The following IDH3G variants were observed in gnomAD, a reference collection of about 807,000 sequenced individuals.
The protein encoded by IDH3G is isocitrate dehydrogenase [NAD] subunit gamma, mitochondrial.
Under a neutral mutation model 26.9 loss-of-function variants are expected in IDH3G, and 9 were observed. The ratio of observed to expected loss-of-function variants is 0.34; its 90% CI spans 0.20 to 0.58. IDH3G has a LOEUF of 0.58. IDH3G is among the 20% of genes least tolerant of loss of function. The probability of loss-of-function intolerance (pLI) is 0.85; values close to 1 mark genes in which losing one functional copy is unlikely to be tolerated. For missense variants in IDH3G, 250 were observed against 372.8 expected (o/e 0.67, Z 2.71); for synonymous variants, 181 against 160.0 (o/e 1.13, Z -0.99).
Position 153,794,330 on chromosome X carries a change from G to A in IDH3G, c.-4C>T. ...CGGTCGCTACCTTCAGCGCCATGAC[G>A]GAAAGTGAGAGCCTCCGCACGTCCC... On this transcript the variant is annotated 5_prime_UTR_variant, in exon 1 of 13. Coordinates refer to ENST00000217901, the MANE Select transcript of IDH3G (RefSeq NM_004135.4). The A allele has an allele frequency of 2.5e-6, 3 of 1,194,853 alleles. No homozygotes were observed. The highest frequency in any genetic ancestry group is 3.4e-6 in the Non-Finnish European group (3 of 888,169).
chrX:153,789,958 T>G (rs1246633485), intron 4 of IDH3G, 134 bp from the exon 5 acceptor site: 1 of 493,721 alleles, frequency 2.0e-6, no homozygotes, highest in Non-Finnish European at 3.5e-6. Flanking sequence ...GGGCCCACCT[T>G]CACTGACTGA....
chrX:153,793,305 T>A (rs1557070944), intron 1 of IDH3G, among the ~76,000 whole-genome samples: 1 of 111,725 alleles, frequency 9.0e-6, no homozygotes, highest in Non-Finnish European at 1.9e-5. Context: ...GAAGTCAGCA[T>A]CGTCAAGAGA....
intron 1 of IDH3G, among the ~76,000 whole-genome samples, chrX:153,792,742 A>C (rs1388956003): frequency 3.5e-5 from 4 of 112,757 alleles, no homozygotes; most frequent in Admixed American, 2.8e-4. Context: ...AGAGCGCTCC[A>C]GATGGACTTC....
chrX:153,787,105 G>A lies in IDH3G; in HGVS notation c.723C>T (p.Ala241=), dbSNP rs782498193. 3 of 1,210,895 alleles carry A rather than the reference G, an allele frequency of 2.5e-6. No individual in the cohort carries two copies. Among genetic ancestry groups the A allele is most frequent in the Non-Finnish European group, 3.4e-6 (3 of 894,567 alleles). The change falls in exon 9 of 13, where the codon GCC becomes GCT. Residue 241 remains alanine (A), a synonymous_variant. Coordinates refer to ENST00000217901, the MANE Select transcript of IDH3G (RefSeq NM_004135.4). ...TCTCGAAGGTGATCTGAGGGTAGCG[G>A]GCTGCCACCTCCCTGCAGCACTGGA... The part of the protein sequence containing the change: ...LFLQCCREVA[A]RYPQITFENM...
chrX:153,792,370 T>C (rs1282836515), intron 1 of IDH3G: 1 of 112,772 alleles, frequency 8.9e-6, no homozygotes, highest in Non-Finnish European at 1.9e-5. Flanking sequence ...TTGAGATGGC[T>C]TCATGGCCTC....
At chrX:153,791,113 C>T in intron 1 of IDH3G, 1 of 347,148 alleles carries the variant, frequency 2.9e-6, no homozygotes, top group Non-Finnish European at 5.0e-6. Flanking sequence ...GTGTCCCTGC[C>T]CTCCCTCCTC....
chrX:153,789,892 G>A, intron 4 of IDH3G, 68 bp from the exon 5 acceptor site: 1 of 729,965 alleles, frequency 1.4e-6, no homozygotes, highest in Non-Finnish European at 2.1e-6. Context: ...AGCCTGCCCA[G>A]GCTACCTCTC....
At chrX:153,790,464 G>C (rs1469747792) in intron 3 of IDH3G, 100 bp downstream of exon 3, 43 of 992,886 alleles carry the variant, frequency 4.3e-5, no homozygotes, top group Non-Finnish European at 5.1e-5. Flanking sequence ...TGCTCATCCA[G>C]GGCTCCTGGG....
Position 153,790,552 on chromosome X carries a change from A to G in IDH3G, c.135+12T>C, listed in dbSNP as rs374030294. ...AGCCCCCCAAACCTAACAGGCAGAG[A>G]AGAATACTCACAATTGTTTGTTCCT... On this transcript the variant is annotated intron_variant, in intron 3 of 12. Transcript: ENST00000217901. 2.0e-5 allele frequency: 24 copies of G among 1,205,840 alleles called. No homozygotes were observed. In the Middle Eastern group the frequency reaches 6.9e-4, roughly 35 times the overall value.
At chrX:153,790,717 C>A (rs17429) in intron 2 of IDH3G, 93 bp downstream of exon 2, 1 of 1,085,957 alleles carries the variant, frequency 9.2e-7, no homozygotes, top group African/African-American at 1.8e-5. Context: ...CTGGAGACCA[C>A]GTCTCAGAGG....
chrX:153,787,808 G>A lies in IDH3G; in HGVS notation c.540+15C>T. The A allele has an allele frequency of 8.3e-7, 1 of 1,198,282 alleles. No homozygotes were observed. Among genetic ancestry groups the A allele is most frequent in the African/African-American group, 1.7e-5 (1 of 57,604 alleles). On this transcript the variant is annotated intron_variant, in intron 7 of 12. Coordinates refer to ENST00000217901, the MANE Select transcript of IDH3G (RefSeq NM_004135.4). ...TTGACGCTGGGGGGGCTCATCTCGG[G>A]CCCCCCATGCACACCTCATGCTCCA...
chrX:153,791,972 C>T (rs782351484), intron 1 of IDH3G, among the ~76,000 whole-genome samples: 68 of 112,220 alleles, frequency 6.1e-4, no homozygotes, highest in African/African-American at 2.1e-3. Flanking sequence ...CGCTTATCAA[C>T]GGGTCGGGAC....
At chrX:153,787,390 A>G in intron 8 of IDH3G, 74 bp downstream of exon 8, 3 of 1,140,813 alleles carry the variant, frequency 2.6e-6, no homozygotes, top group Non-Finnish European at 3.5e-6. Context: ...TTGGACCACA[A>G]ATCCCTCAGA....
chrX:153,786,760 G>A (rs782747731), intron 10 of IDH3G, 41 bp downstream of exon 10: 19 of 1,183,918 alleles, frequency 1.6e-5, no homozygotes, highest in Non-Finnish European at 1.9e-5. Flanking sequence ...TCTGTGAACA[G>A]GAGAAAGGCG....
rs202204791 is a variant in IDH3G at position 153,787,159 on chromosome X, G to T, written c.675-6C>A. On this transcript the variant is annotated splice_polypyrimidine_tract_variant and splice_region_variant and intron_variant, in intron 8 of 12. Coordinates refer to ENST00000217901, the MANE Select transcript of IDH3G (RefSeq NM_004135.4). ...AAAGCCCATCGCCCAGTTTCCTGGT[G>T]GGGGGTTAGGAATAGGACACCAGCT... 5.9e-6 allele frequency: 7 copies of T among 1,184,233 alleles called. No individual in the cohort carries two copies. In the Admixed American group the frequency reaches 1.1e-4, roughly 19 times the overall value.
intron 10 of IDH3G, 108 bp from the exon 11 acceptor site, chrX:153,786,557 C>A: frequency 2.9e-6 from 2 of 684,514 alleles, no homozygotes; most frequent in Non-Finnish European, 2.2e-6. Context: ...GACAAAAGCC[C>A]ACCAGCGGGT....
chrX:153,786,652 C>G, intron 10 of IDH3G, 149 bp downstream of exon 10: 1 of 689,657 alleles, frequency 1.5e-6, no homozygotes, highest in Non-Finnish European at 2.2e-6. Context: ...TCTGGAATGA[C>G]CTGGTGGTGA....
At position 153,786,278 on chromosome X, in the gene IDH3G, G is replaced by T; in HGVS notation, c.1020-6C>A. On this transcript the variant is annotated splice_region_variant and splice_polypyrimidine_tract_variant and intron_variant, in intron 11 of 12. Transcript: ENST00000217901. ...AGGTGGCATAGGAGTGCAGCCTAGAGGATGGGACAGCCAGCCTTCAGTCCC... is the reference window on the plus strand; with the variant it reads ...AGGTGGCATAGGAGTGCAGCCTAGATGATGGGACAGCCAGCCTTCAGTCCC... 3 of 1,205,006 alleles carry T rather than the reference G, an allele frequency of 2.5e-6. No individual in the cohort carries two copies. The highest frequency in any genetic ancestry group is 3.4e-6 in the Non-Finnish European group (3 of 891,037).
chrX:153,786,718 C>T, intron 10 of IDH3G, 83 bp downstream of exon 10: 1 of 1,079,304 alleles, frequency 9.3e-7, no homozygotes, highest in Non-Finnish European at 1.3e-6. Context: ...TTTGAACGGG[C>T]TAACCGGATG....
Sources: gnomAD v4.1 joint callset for allele counts (sites outside exome capture counted in the v4.1 genomes callset) on GRCh38, gnomAD v4.1.1 for gene constraint, MANE v1.5 for transcripts, NCBI Gene and HGNC (gene_info 2026-07-23, HGNC 2026-07-21) for gene names.